The following ZNF423 variants were observed in gnomAD, a reference collection of about 807,000 sequenced individuals.
ZNF423 encodes Ebf-associated zinc finger protein.
Under a neutral mutation model 95.8 loss-of-function variants are expected in ZNF423, and 12 were observed. That is an observed-to-expected ratio of 0.13 (90% CI 0.08 to 0.20). The LOEUF is 0.20. Ranked by LOEUF, ZNF423 falls within the 10% of genes least tolerant of loss-of-function variation. The pLI, the probability that ZNF423 is intolerant of heterozygous loss-of-function variation, is 1.00. For missense variants in ZNF423, 1,316 were observed against 1,737.1 expected (o/e 0.76, Z 4.31); for synonymous variants, 749 against 711.9 (o/e 1.05, Z -0.83).
intron 2 of ZNF423, among the ~76,000 whole-genome samples, chr16:49,745,786 G>A (rs1452527548): frequency 1.3e-5 from 2 of 152,148 alleles, no homozygotes; most frequent in Non-Finnish European, 2.9e-5. Flanking sequence ...CCTTGCCGCT[G>A]ACCCCCTCGT....
intron 7 of ZNF423, among the ~76,000 whole-genome samples, chr16:49,511,934 T>G (rs916305423): frequency 6.6e-6 from 1 of 152,198 alleles, no homozygotes; most frequent in Non-Finnish European, 1.5e-5. Flanking sequence ...CCCCTTAATG[T>G]CACATGGGGG....
Position 49,831,828 on chromosome 16 carries a change from T to TA in ZNF423, c.40+23906dup, listed in dbSNP as rs879349353. 6.5e-3 allele frequency among the ~76,000 whole-genome samples: 936 copies of TA among 143,024 alleles called. 7 individuals carry two copies. The highest frequency in any genetic ancestry group is 0.022 in the African/African-American group (854 of 39,038). 93.8% of individuals were successfully genotyped at this position (143,024 alleles called of 152,430 possible). ...CAACATGGCGAAACCCCATCTCTAC[T>TA]AAAAAAAAAAAGTACAAAAAAAATT... is the stretch of plus-strand genomic sequence containing the variant. On this transcript the variant is annotated intron_variant, in intron 1 of 7. Transcript: ENST00000563137.
intron 5 of ZNF423, among the ~76,000 whole-genome samples, chr16:49,573,043 A>C (rs539636309): frequency 6.6e-6 from 1 of 152,274 alleles, no homozygotes; most frequent in South Asian, 2.1e-4. Context: ...ATGGGTGCGG[A>C]GTGAATAAGC....
At chr16:49,849,931 T>C (rs2035285315) in intron 1 of ZNF423, among the ~76,000 whole-genome samples, 1 of 152,178 alleles carries the variant, frequency 6.6e-6, no homozygotes, top group African/African-American at 2.4e-5. Context: ...GACAATACAA[T>C]AGCTTTCAAA....
intron 7 of ZNF423, 24 bp downstream of exon 7, chr16:49,523,600 G>A: frequency 1.3e-6 from 2 of 1,594,850 alleles, no homozygotes; most frequent in East Asian, 2.2e-5. Flanking sequence ...CAGGCGGCGT[G>A]GTGCAGCGGA....
chr16:49,757,672 G>A (rs1056452884), intron 2 of ZNF423, among the ~76,000 whole-genome samples: 1 of 152,154 alleles, frequency 6.6e-6, no homozygotes, highest in South Asian at 2.1e-4. Flanking sequence ...GTGGGGTGAG[G>A]AGCCCGGCTC....
At chr16:49,694,494 G>A (rs752088780) in intron 3 of ZNF423, among the ~76,000 whole-genome samples, 3 of 152,204 alleles carry the variant, frequency 2.0e-5, no homozygotes, top group Non-Finnish European at 4.4e-5. Context: ...TGGCCACATG[G>A]TAAAAACATC....
intron 3 of ZNF423, among the ~76,000 whole-genome samples, chr16:49,683,923 T>A (rs2151939992): frequency 6.6e-6 from 1 of 152,184 alleles, no homozygotes; most frequent in Admixed American, 6.5e-5. Context: ...ATTTAAAAAT[T>A]AGCCAGGCTT....
At chr16:49,529,548 T>G (rs1025823765) in intron 5 of ZNF423, among the ~76,000 whole-genome samples, 11 of 152,190 alleles carry the variant, frequency 7.2e-5, no homozygotes, top group South Asian at 2.1e-4. Context: ...GAGGGCTTTG[T>G]GGAAGAGCAT....
intron 1 of ZNF423, among the ~76,000 whole-genome samples, chr16:49,846,558 A>G (rs2035248437): frequency 6.6e-6 from 1 of 152,168 alleles, no homozygotes; most frequent in Admixed American, 6.5e-5. Flanking sequence ...AAGGGGCACA[A>G]GGCATCTGCA....
chr16:49,619,943 GA>G, intron 5 of ZNF423, among the ~76,000 whole-genome samples: 1 of 152,142 alleles, frequency 6.6e-6, no homozygotes, highest in Non-Finnish European at 1.5e-5. Context: ...TTGGACCAGA[GA>G]CTCCTTCCCC....
chr16:49,492,613 C>T lies in ZNF423; in HGVS notation c.3850-1309G>A, dbSNP rs1029706045. On this transcript the variant is annotated intron_variant, in intron 7 of 7. Transcript: ENST00000563137. This position sits in a 1 kb window ranked among gnomAD's most constrained non-coding sequence, Gnocchi z 4.2. ...ATGTCACCGACCCTTCCTGCGAGCT[C>T]CCGGCCGGGAAGAGGCAGCCCGCGC... 1.3e-5 allele frequency among the ~76,000 whole-genome samples: 2 copies of T among 152,208 alleles called. No individual in the cohort carries two copies. Among genetic ancestry groups the T allele is most frequent in the African/African-American group, 4.8e-5 (2 of 41,466 alleles).
At chr16:49,751,751 C>A (rs555451186) in intron 2 of ZNF423, among the ~76,000 whole-genome samples, 1 of 152,290 alleles carries the variant, frequency 6.6e-6, no homozygotes, top group African/African-American at 2.4e-5. Context: ...GCAGTACCAC[C>A]CATGCATGGG....
At chr16:49,678,859 G>C (rs1200507030) in intron 3 of ZNF423, among the ~76,000 whole-genome samples, 2 of 152,202 alleles carry the variant, frequency 1.3e-5, no homozygotes, top group Non-Finnish European at 2.9e-5. Flanking sequence ...ATCATGAAGA[G>C]GATCTGACAT....
chr16:49,789,147 G>C (rs1295260669), intron 2 of ZNF423, among the ~76,000 whole-genome samples: 1 of 152,146 alleles, frequency 6.6e-6, no homozygotes, highest in Non-Finnish European at 1.5e-5. Flanking sequence ...TCCTATTAAA[G>C]TGGCTTTTAT....
intron 5 of ZNF423, among the ~76,000 whole-genome samples, chr16:49,623,517 C>T (rs1416382365): frequency 7.2e-5 from 11 of 152,264 alleles, no homozygotes. Flanking sequence ...TGCTTACAAA[C>T]AGGAACGCGC....
At chr16:49,726,903 A>C in intron 3 of ZNF423, among the ~76,000 whole-genome samples, 1 of 147,442 alleles carries the variant, frequency 6.8e-6, no homozygotes, top group Non-Finnish European at 1.5e-5. Flanking sequence ...CCAGGTAACC[A>C]CATGGGAACC....
intron 3 of ZNF423, among the ~76,000 whole-genome samples, chr16:49,688,206 G>A (rs2031644322): frequency 6.6e-6 from 1 of 152,058 alleles, no homozygotes; most frequent in African/African-American, 2.4e-5. Flanking sequence ...GGATTGCCCA[G>A]GGACCGAGCT....
chr16:49,831,043 T>C (rs1435059542), intron 1 of ZNF423, among the ~76,000 whole-genome samples: 1 of 152,092 alleles, frequency 6.6e-6, no homozygotes, highest in Non-Finnish European at 1.5e-5. Context: ...CAAGAGGAGC[T>C]CCAACTATCA....
Sources: gnomAD v4.1 joint callset for allele counts (sites outside exome capture counted in the v4.1 genomes callset) on GRCh38, gnomAD v4.1.1 for gene constraint, Gnocchi (gnomAD v3.1) non-coding constraint, MANE v1.5 for transcripts, NCBI Gene and HGNC (gene_info 2026-07-23, HGNC 2026-07-21) for gene names.